AKAP12: variants seen among roughly 807,000 people sequenced by gnomAD.
The protein encoded by AKAP12 is A-kinase anchor protein 12.
A neutral mutation model predicts 79.9 loss-of-function variants in AKAP12; 32 were observed. That is an observed-to-expected ratio of 0.40 (90% CI 0.30 to 0.54). The LOEUF (loss-of-function observed/expected upper bound fraction) is 0.54. AKAP12 is among the 20% of genes least tolerant of loss of function. The pLI is 0.48. For synonymous variants in AKAP12, 808 were observed against 857.0 expected (o/e 0.94, Z 1.00); for missense variants, 2,074 against 2,177.0 (o/e 0.95, Z 0.94).
At chr6:151,314,229 G>A (rs1777187723) in intron 3 of AKAP12, among the ~76,000 whole-genome samples, 2 of 152,198 alleles carry the variant, frequency 1.3e-5, no homozygotes, top group Non-Finnish European at 2.9e-5. Flanking sequence ...GTTTTGCCAT[G>A]TTGACCATGG....
At position 151,353,283 on chromosome 6, in the gene AKAP12, C is replaced by A; in HGVS notation, c.4892C>A (p.Ser1631Tyr). 6.2e-7 allele frequency: 1 copy of A among 1,614,132 alleles called. No homozygotes were observed. Among genetic ancestry groups the A allele is most frequent in the African/African-American group, 1.3e-5 (1 of 75,022 alleles). ...GTGGGACAAGCACATTCTGATATTT[C>A]CAAAGACATGAGTGAAGCCTCAGAA... The part of the protein sequence containing the change: ...TAVGQAHSDI[S>Y]KDMSEASEKT... Residue 1631 changes from serine to tyrosine, a missense_variant, in exon 4 of 5, where the codon TCC becomes TAC. By Grantham distance (144) the Ser-to-Tyr change is moderately radical. This residue lies in a region of AKAP12 where 614 missense variants were observed against 665.6 expected (regional missense o/e 0.92). Transcript: ENST00000402676.
At chr6:151,354,867 A>G (rs953542278) in intron 4 of AKAP12, among the ~76,000 whole-genome samples, 1 of 151,946 alleles carries the variant, frequency 6.6e-6, no homozygotes, top group African/African-American at 2.4e-5. Context: ...TTTTTTGCAG[A>G]CAGGGGTCTT....
chr6:151,333,180 A>G (rs568823696), intron 3 of AKAP12, among the ~76,000 whole-genome samples: 119 of 152,192 alleles, frequency 7.8e-4, no homozygotes, highest in African/African-American at 2.8e-3. Context: ...AGCTGTGATG[A>G]AGGGTGGTTG....
chr6:151,316,685 C>T (rs1045417271), intron 3 of AKAP12, among the ~76,000 whole-genome samples: 3 of 152,196 alleles, frequency 2.0e-5, no homozygotes, highest in African/African-American at 4.8e-5. Context: ...GGCTGGAGTG[C>T]AGTGGCGCGA....
chr6:151,267,384 G>A (rs1365066293), intron 2 of AKAP12, among the ~76,000 whole-genome samples: 1 of 152,192 alleles, frequency 6.6e-6, no homozygotes, highest in Non-Finnish European at 1.5e-5. Context: ...AATTGACATA[G>A]TCACATTTTA....
chr6:151,342,540 G>C (rs1281083401), intron 3 of AKAP12, among the ~76,000 whole-genome samples: 3 of 152,160 alleles, frequency 2.0e-5, no homozygotes, highest in Non-Finnish European at 4.4e-5. Flanking sequence ...AGGGTACGTG[G>C]AGGCCGAAAT....
At chr6:151,256,417 T>G (rs1053612823) in intron 2 of AKAP12, among the ~76,000 whole-genome samples, 1 of 152,154 alleles carries the variant, frequency 6.6e-6, no homozygotes. Context: ...TGGAGAATTT[T>G]GAACAGTAGG....
chr6:151,241,258 C>T (rs2114670354), intron 2 of AKAP12, among the ~76,000 whole-genome samples: 1 of 152,356 alleles, frequency 6.6e-6, no homozygotes, highest in East Asian at 1.9e-4. Context: ...GTACCCAGTC[C>T]TCCTGCGGCA....
At chr6:151,354,615 G>A (rs986168337) in intron 4 of AKAP12, among the ~76,000 whole-genome samples, 10 of 152,130 alleles carry the variant, frequency 6.6e-5, no homozygotes, top group African/African-American at 1.2e-4. Flanking sequence ...CTCGTGATCC[G>A]CCCGCCTTGG....
rs1443278430 is a variant in AKAP12, at chr6:151,351,596, G to C, written c.3205G>C (p.Val1069Leu). Reference sequence around the variant, plus strand: ...TGGGCCAGAAGATGTGCTTCAGCCTGTGCAGAGAGCAGAGGCAGAAAGACC... The same window carrying C: ...TGGGCCAGAAGATGTGCTTCAGCCTCTGCAGAGAGCAGAGGCAGAAAGACC... Reference protein sequence around the residue: ...TGGPEDVLQPVQRAEAERPEE... With the variant: ...TGGPEDVLQPLQRAEAERPEE... The change falls in exon 4 of 5, where the codon GTG becomes CTG. Residue 1069 changes from valine (V) to leucine (L), a missense_variant. Around this residue, in one of 3 missense-constraint regions of AKAP12, gnomAD observed 1,428 missense variants for 1,451.0 expected, o/e 0.98. Transcript: ENST00000402676. The surrounding 1 kb of genome is among the most constrained non-coding windows in gnomAD (Gnocchi z 4.4). The C allele has an allele frequency of 1.9e-6, 3 of 1,614,058 alleles. No homozygotes were observed. In the East Asian group the frequency reaches 6.7e-5, roughly 36 times the overall value.
In AKAP12 at chr6:151,356,704, A is replaced by G. The variant is rs1778450527; in HGVS notation, c.*990A>G. On this transcript the variant is annotated 3_prime_UTR_variant, in exon 5 of 5. Transcript: ENST00000402676. ...TATTTGTGCCATTCTTTTAAGAACAATGTTGCAACACATTCATTTGGATAA... is the reference window on the plus strand; with the variant it reads ...TATTTGTGCCATTCTTTTAAGAACAGTGTTGCAACACATTCATTTGGATAA... 6.6e-6 allele frequency: 1 copy of G among 152,218 alleles called. No individual in the cohort carries two copies. Among genetic ancestry groups the G allele is most frequent in the Non-Finnish European group, 1.5e-5 (1 of 68,040 alleles). 9.4% of individuals were successfully genotyped at this position (152,218 alleles called of 1,614,324 possible).
intron 2 of AKAP12, among the ~76,000 whole-genome samples, chr6:151,261,525 A>G (rs1460604514): frequency 8.6e-5 from 13 of 151,758 alleles, no homozygotes; most frequent in Admixed American, 8.5e-4. Flanking sequence ...TCTAAAAAAT[A>G]CAAACCCCGT....
At chr6:151,355,545 C>G (rs1778419904) in intron 4 of AKAP12, among the ~76,000 whole-genome samples, 182 bp from the exon 5 acceptor site, 1 of 151,970 alleles carries the variant, frequency 6.6e-6, no homozygotes, top group Admixed American at 6.6e-5. Context: ...TCATGATCTG[C>G]CCTCCTCAGC....
Position 151,350,375 on chromosome 6 carries a change from G to C in AKAP12, c.1984G>C (p.Glu662Gln), listed in dbSNP as rs1371149157. The C allele has an allele frequency of 6.2e-7, 1 of 1,613,824 alleles. No homozygotes were observed. The highest frequency in any genetic ancestry group is 1.1e-5 in the South Asian group (1 of 91,042). ...EMQEEMKGSV[E>Q]EPKPEEPKRK... ...GCAAGAAGAAATGAAAGGGAGCGTG[G>C]AAGAGCCAAAGCCGGAAGAACCAAA... The change falls in exon 4 of 5, where the codon GAA becomes CAA. Residue 662 changes from glutamate (E) to glutamine (Q), a missense_variant. Physicochemically the swap from Glu to Gln is conservative, Grantham distance 29. This residue lies in a region of AKAP12 where 1,428 missense variants were observed against 1,451.0 expected (regional missense o/e 0.98). Transcript: ENST00000402676. The surrounding 1 kb of genome is among the most constrained non-coding windows in gnomAD (Gnocchi z 4.8).
At position 151,259,491 on chromosome 6, in the gene AKAP12, C is replaced by T. The variant is rs796983373; in HGVS notation, c.162+18767C>T. Among the ~76,000 whole-genome samples, 935 of 139,464 alleles carry T rather than the reference C, an allele frequency of 6.7e-3. 9 individuals are homozygous for T. Among genetic ancestry groups the T allele is most frequent in the African/African-American group, 0.017 (637 of 36,736 alleles). The allele number at this position is 139,464 out of a possible 152,430, so 91.5% of individuals were successfully genotyped here. On this transcript the variant is annotated intron_variant, in intron 2 of 4. Transcript: ENST00000402676. Reference sequence around the variant, plus strand: ...ACATGTATATATATATATACACACACATATACATGTATATATATATACACA... The same window carrying T: ...ACATGTATATATATATATACACACATATATACATGTATATATATATACACA...
intron 2 of AKAP12, among the ~76,000 whole-genome samples, chr6:151,243,958 T>A (rs941791415): frequency 1.3e-5 from 2 of 152,162 alleles, no homozygotes; most frequent in Admixed American, 1.3e-4. Context: ...TAATCTTGAT[T>A]TCTGGAGCCA....
intron 2 of AKAP12, among the ~76,000 whole-genome samples, chr6:151,288,351 C>G (rs2346899): frequency 0.082 from 12,397 of 151,872 alleles, 696 homozygotes; most frequent in East Asian, 0.3. Context: ...CCTGACTCTA[C>G]GAAAAATACA....
At position 151,351,385 on chromosome 6, in the gene AKAP12, G is replaced by C; in HGVS notation, c.2994G>C (p.Glu998Asp). The C allele has an allele frequency of 6.2e-7, 1 of 1,614,224 alleles. No homozygotes were observed. The highest frequency in any genetic ancestry group is 8.5e-7 in the Non-Finnish European group (1 of 1,180,040). ...EEGTEASAAE[E>D]TTEMVSAVSQ... ...GAACCGAAGCATCTGCTGCTGAAGA[G>C]ACCACAGAAATGGTGTCAGCAGTCT... Residue 998 changes from glutamate to aspartate, a missense_variant, in exon 4 of 5, where the codon GAG (glutamate) becomes GAC (aspartate). Glu to Asp is a conservative substitution (Grantham distance 45). Around this residue, in one of 3 missense-constraint regions of AKAP12, gnomAD observed 1,428 missense variants for 1,451.0 expected, o/e 0.98. Coordinates refer to ENST00000402676, the MANE Select transcript of AKAP12 (RefSeq NM_005100.4). This position sits in a 1 kb window ranked among gnomAD's most constrained non-coding sequence, Gnocchi z 4.4.
chr6:151,299,658 C>T (rs957595912), intron 2 of AKAP12, among the ~76,000 whole-genome samples: 14 of 152,148 alleles, frequency 9.2e-5, no homozygotes, highest in Non-Finnish European at 1.6e-4. Context: ...CATCTTCACA[C>T]ATGAGTGTGT....
Sources: allele counts gnomAD v4.1 joint callset (sites outside exome capture counted in the v4.1 genomes callset), GRCh38; gene constraint gnomAD v4.1.1; regional missense constraint gnomAD v4.1.1; non-coding constraint Gnocchi (gnomAD v3.1); transcripts MANE v1.5; gene names NCBI Gene and HGNC (gene_info 2026-07-23, HGNC 2026-07-21).